Variants in TRPM3 observed in about 807,000 individuals in gnomAD.
The protein encoded by TRPM3 is long transient receptor potential channel 3.
Under a neutral mutation model 181.2 loss-of-function variants are expected in TRPM3, and 77 were observed. That is an observed-to-expected ratio of 0.42 (90% confidence interval 0.35 to 0.51). The LOEUF is 0.51. Ranked by LOEUF, TRPM3 falls within the 20% of genes least tolerant of loss-of-function variation. TRPM3 has a pLI of 0.01. For missense variants in TRPM3, 1,759 were observed against 2,196.7 expected, an observed-to-expected ratio of 0.80 and a Z score of 3.98; for synonymous variants, 745 against 796.4, an observed-to-expected ratio of 0.94 and a Z score of 1.09.
chr9:71,094,224 G>A (rs909001026), intron 1 of TRPM3, among the ~76,000 whole-genome samples: 7 of 151,822 alleles, frequency 4.6e-5, no homozygotes, highest in African/African-American at 1.7e-4. Flanking sequence ...AAACCTGCAC[G>A]TTGTGTGCAG....
At chr9:71,382,743 AAC>A (rs1451215206) in intron 1 of TRPM3, among the ~76,000 whole-genome samples, 2 of 150,536 alleles carry the variant, frequency 1.3e-5, no homozygotes, top group Non-Finnish European at 3.0e-5. Context: ...TGGTCTCTTG[AAC>A]ACAGATTCTT....
chr9:71,001,720 G>T (rs538602334), intron 1 of TRPM3, among the ~76,000 whole-genome samples: 1 of 152,224 alleles, frequency 6.6e-6, no homozygotes, highest in Non-Finnish European at 1.5e-5. Context: ...ACATGGTACT[G>T]TTGATACACC....
At chr9:71,279,737 C>T (rs1204077762) in intron 1 of TRPM3, among the ~76,000 whole-genome samples, 1 of 152,152 alleles carries the variant, frequency 6.6e-6, no homozygotes, top group Non-Finnish European at 1.5e-5. Flanking sequence ...GATTCAGGAG[C>T]AATGCTGACT....
At chr9:70,626,045 TAAG>T (rs2133294722) in intron 12 of TRPM3, among the ~76,000 whole-genome samples, 1 of 152,306 alleles carries the variant, frequency 6.6e-6, no homozygotes, top group East Asian at 1.9e-4. Flanking sequence ...TTTCTAGAAT[TAAG>T]GAGATTTTCA....
chr9:71,062,297 G>A (rs2061417317), intron 1 of TRPM3, among the ~76,000 whole-genome samples: 1 of 152,000 alleles, frequency 6.6e-6, no homozygotes, highest in South Asian at 2.1e-4. Flanking sequence ...TTATTAAAAT[G>A]CAAGATATGC....
chr9:71,113,456 T>C (rs1425196307), intron 1 of TRPM3, among the ~76,000 whole-genome samples: 1 of 152,154 alleles, frequency 6.6e-6, no homozygotes, highest in East Asian at 1.9e-4. Context: ...GATTCAGCAA[T>C]GGCCACTTGA....
intron 1 of TRPM3, among the ~76,000 whole-genome samples, chr9:70,906,221 T>A (rs1161447561): frequency 1.3e-5 from 2 of 148,572 alleles, no homozygotes; most frequent in African/African-American, 2.5e-5. Context: ...TTCCTATTGT[T>A]AAAAAAAAAA....
intron 14 of TRPM3, among the ~76,000 whole-genome samples, chr9:70,622,734 G>C (rs988111786): frequency 1.3e-5 from 2 of 152,190 alleles, no homozygotes; most frequent in African/African-American, 4.8e-5. Context: ...ATTTCAGAAT[G>C]GTTGGGCACC....
At chr9:71,088,128 A>G (rs936506347) in intron 1 of TRPM3, among the ~76,000 whole-genome samples, 1 of 152,108 alleles carries the variant, frequency 6.6e-6, no homozygotes, top group Non-Finnish European at 1.5e-5. Flanking sequence ...ACAGTAAAAA[A>G]CATGTCGGGT....
intron 1 of TRPM3, among the ~76,000 whole-genome samples, chr9:71,116,636 C>A (rs1015631451): frequency 6.6e-6 from 1 of 152,090 alleles, no homozygotes; most frequent in Non-Finnish European, 1.5e-5. Context: ...CTGATCATTG[C>A]TCCTTCAGTT....
chr9:70,834,350 C>T (rs576272879), intron 5 of TRPM3, among the ~76,000 whole-genome samples: 1 of 152,160 alleles, frequency 6.6e-6, no homozygotes, highest in Non-Finnish European at 1.5e-5. Context: ...TCCCTTTGCC[C>T]AGTCCTGAGG....
intron 9 of TRPM3, among the ~76,000 whole-genome samples, chr9:70,679,113 CATTAGT>C (rs1157129916): frequency 2.0e-5 from 3 of 152,066 alleles, no homozygotes; most frequent in Admixed American, 2.0e-4. Flanking sequence ...GGTTATGACT[CATTAGT>C]AGGTTGTGAA....
At chr9:71,259,871 C>A (rs191615682) in intron 1 of TRPM3, among the ~76,000 whole-genome samples, 10 of 152,224 alleles carry the variant, frequency 6.6e-5, no homozygotes, top group Admixed American at 6.5e-4. Context: ...TTCTGTTGTG[C>A]AGAAGCTCTT....
At chr9:71,153,568 C>G (rs1265416819) in intron 1 of TRPM3, among the ~76,000 whole-genome samples, 1 of 152,084 alleles carries the variant, frequency 6.6e-6, no homozygotes, top group Non-Finnish European at 1.5e-5. Flanking sequence ...CATGCACGAG[C>G]CACCACGCCC....
intron 1 of TRPM3, among the ~76,000 whole-genome samples, chr9:70,967,894 G>A (rs1366250286): frequency 6.6e-6 from 1 of 152,032 alleles, no homozygotes; most frequent in Admixed American, 6.6e-5. Flanking sequence ...ACTATCTCAT[G>A]TGACCTCCAT....
chr9:71,357,798 G>A (rs538562095), intron 1 of TRPM3, among the ~76,000 whole-genome samples: 41 of 151,394 alleles, frequency 2.7e-4, no homozygotes, highest in Non-Finnish European at 5.2e-4. Flanking sequence ...TCTTTATACA[G>A]AGAGATTGAG....
At chr9:71,106,216 C>T (rs2069519113) in intron 1 of TRPM3, among the ~76,000 whole-genome samples, 1 of 152,126 alleles carries the variant, frequency 6.6e-6, no homozygotes, top group Non-Finnish European at 1.5e-5. Context: ...CAGTGATACG[C>T]CACTATTGAC....
intron 6 of TRPM3, among the ~76,000 whole-genome samples, chr9:70,789,757 G>A (rs1365313514): frequency 1.3e-5 from 2 of 152,204 alleles, no homozygotes; most frequent in Non-Finnish European, 2.9e-5. Context: ...TAACAGCTCT[G>A]CGTTCTACAG....
At chr9:71,054,335 G>T (rs1409034846) in intron 1 of TRPM3, among the ~76,000 whole-genome samples, 1 of 152,014 alleles carries the variant, frequency 6.6e-6, no homozygotes, top group Non-Finnish European at 1.5e-5. Context: ...TGCTTGCTAT[G>T]AAACTCTATT....
Sources: gnomAD v4.1 joint callset for allele counts (sites outside exome capture counted in the v4.1 genomes callset) on GRCh38, gnomAD v4.1.1 for gene constraint, MANE v1.5 for transcripts, NCBI Gene and HGNC (gene_info 2026-07-23, HGNC 2026-07-21) for gene names.